The following ARL15 variants were observed in gnomAD, a reference collection of about 807,000 sequenced individuals.
ARL15 encodes ADP-ribosylation factor-like protein 15.
Under a neutral mutation model 25.2 loss-of-function variants are expected in ARL15, and 19 were observed. That is an observed-to-expected ratio of 0.75 (90% CI 0.53 to 1.10). The LOEUF is 1.10. ARL15 is among the 50% of genes least tolerant of loss of function. The pLI is 0.00. For synonymous variants in ARL15, 94 were observed against 86.8 expected, an observed-to-expected ratio of 1.08 and a Z score of -0.46; for missense variants, 220 against 246.0, an observed-to-expected ratio of 0.89 and a Z score of 0.71.
At chr5:54,084,198 G>C (rs1157441563) in intron 4 of ARL15, among the ~76,000 whole-genome samples, 2 of 152,136 alleles carry the variant, frequency 1.3e-5, no homozygotes, top group Non-Finnish European at 2.9e-5. Context: ...CAGTGGGCTT[G>C]GCACTCTCAG....
chr5:53,939,355 T>C (rs1009781481), intron 4 of ARL15, among the ~76,000 whole-genome samples: 2 of 152,244 alleles, frequency 1.3e-5, no homozygotes, highest in Admixed American at 1.3e-4. Context: ...CATTACTGTT[T>C]GTTATAATGT....
intron 4 of ARL15, chr5:53,887,297 T>C (rs903342282): frequency 4.4e-6 from 3 of 684,476 alleles, no homozygotes; most frequent in Non-Finnish European, 7.9e-6. Context: ...CATGTATGTA[T>C]GTTTGTATGC....
intron 1 of ARL15, among the ~76,000 whole-genome samples, chr5:54,207,456 G>A (rs917986543): frequency 4.6e-5 from 7 of 152,034 alleles, no homozygotes; most frequent in Non-Finnish European, 7.4e-5. Flanking sequence ...TGACCAAACC[G>A]CCTATTGAGA....
chr5:54,295,369 G>A (rs898494883), intron 1 of ARL15, among the ~76,000 whole-genome samples: 9 of 152,060 alleles, frequency 5.9e-5, no homozygotes, highest in African/African-American at 2.2e-4. Context: ...AACATCACTA[G>A]CACAGGAATC....
intron 4 of ARL15, among the ~76,000 whole-genome samples, chr5:53,940,231 C>A (rs1472619276): frequency 6.6e-6 from 1 of 152,172 alleles, no homozygotes; most frequent in East Asian, 1.9e-4. Flanking sequence ...CCTTGGCCTC[C>A]CAAAGTGCTG....
intron 4 of ARL15, among the ~76,000 whole-genome samples, chr5:53,966,701 C>A (rs1255008494): frequency 6.6e-6 from 1 of 152,158 alleles, no homozygotes; most frequent in African/African-American, 2.4e-5. Flanking sequence ...AGTCTTATTC[C>A]GTGTTGACGA....
chr5:53,923,920 C>T (rs1262933775), intron 4 of ARL15, among the ~76,000 whole-genome samples: 5 of 152,106 alleles, frequency 3.3e-5, no homozygotes, highest in Non-Finnish European at 7.4e-5. Context: ...ACCAAGTAAA[C>T]ACTGTAAAGT....
At chr5:54,297,384 C>A (rs1758494950) in intron 1 of ARL15, among the ~76,000 whole-genome samples, 1 of 152,246 alleles carries the variant, frequency 6.6e-6, no homozygotes, top group East Asian at 1.9e-4. Flanking sequence ...GCCTTTCCAA[C>A]AGGACTGAAA....
At chr5:54,170,348 C>T (rs1754681317) in intron 2 of ARL15, among the ~76,000 whole-genome samples, 1 of 152,168 alleles carries the variant, frequency 6.6e-6, no homozygotes, top group South Asian at 2.1e-4. Context: ...AATTTAGCCT[C>T]CACATCATGG....
At chr5:54,174,742 A>G (rs928112595) in intron 1 of ARL15, among the ~76,000 whole-genome samples, 4 of 152,192 alleles carry the variant, frequency 2.6e-5, no homozygotes, top group African/African-American at 9.7e-5. Context: ...GCTTTTTTAT[A>G]AAGTCTGTCT....
rs147399081 is a variant in ARL15, at chr5:53,904,123, T to C, written c.463-17410A>G. ...TAGTTGGGTTCAAAACAATAGCACA[T>C]AGAGCTATGATAAAAGCTCTACTGA... On this transcript the variant is annotated intron_variant, in intron 4 of 4. Coordinates refer to ENST00000504924, the MANE Select transcript of ARL15 (RefSeq NM_019087.3). 3.4e-3 allele frequency among the ~76,000 whole-genome samples: 515 copies of C among 152,312 alleles called. 2 individuals are homozygous for C. Among genetic ancestry groups the C allele is most frequent in the African/African-American group, 0.012 (479 of 41,560 alleles).
chr5:54,239,618 G>C (rs946420055), intron 1 of ARL15, among the ~76,000 whole-genome samples: 7 of 152,140 alleles, frequency 4.6e-5, no homozygotes, highest in African/African-American at 1.7e-4. Flanking sequence ...ATATGTCTAT[G>C]TTCTGAAATA....
At chr5:54,050,468 G>T (rs140393091) in intron 4 of ARL15, among the ~76,000 whole-genome samples, 8 of 152,282 alleles carry the variant, frequency 5.3e-5, no homozygotes, top group African/African-American at 1.9e-4. Context: ...TTGGTGGCTA[G>T]TGAGTATAGG....
At chr5:53,939,544 G>A (rs191314746) in intron 4 of ARL15, among the ~76,000 whole-genome samples, 43 of 152,224 alleles carry the variant, frequency 2.8e-4, no homozygotes, top group Admixed American at 2.3e-3. Flanking sequence ...ACACCATGCT[G>A]GCCAACATGA....
intron 1 of ARL15, among the ~76,000 whole-genome samples, chr5:54,190,440 T>C (rs1040987907): frequency 1.2e-4 from 18 of 151,968 alleles, no homozygotes; most frequent in African/African-American, 4.3e-4. Context: ...ATGGCCACTG[T>C]CTTAGACTGT....
intron 1 of ARL15, among the ~76,000 whole-genome samples, chr5:54,222,578 T>C (rs1756408146): frequency 6.6e-6 from 1 of 152,190 alleles, no homozygotes; most frequent in Non-Finnish European, 1.5e-5. Context: ...AATCATCACC[T>C]TAAATGGTAT....
rs550204015 is a variant in ARL15 at position 54,110,464 on chromosome 5, T to A, written c.462+2738A>T. On this transcript the variant is annotated intron_variant, in intron 4 of 4. Coordinates refer to ENST00000504924, the MANE Select transcript of ARL15 (RefSeq NM_019087.3). ...AAGAAGAATCAATAGCCTTTATGACTGATTATCTTTTCTAACTGAATCAAA... is the reference window on the plus strand; with the variant it reads ...AAGAAGAATCAATAGCCTTTATGACAGATTATCTTTTCTAACTGAATCAAA... Among the ~76,000 whole-genome samples, 10 of 152,198 alleles carry A rather than the reference T, an allele frequency of 6.6e-5. 1 individual carries two copies. The South Asian group carries it at 1.7e-3, about 25-fold the overall frequency.
intron 4 of ARL15, among the ~76,000 whole-genome samples, chr5:54,032,973 A>T (rs1750039631): frequency 6.6e-6 from 1 of 151,944 alleles, no homozygotes; most frequent in Admixed American, 6.6e-5. Flanking sequence ...ATATATGTAC[A>T]TATATAAGTA....
At chr5:53,972,017 T>C (rs567916351) in intron 4 of ARL15, among the ~76,000 whole-genome samples, 17 of 152,152 alleles carry the variant, frequency 1.1e-4, no homozygotes, top group Non-Finnish European at 2.2e-4. Context: ...GAATAGGAAG[T>C]ATGTGTGAAT....
Sources: allele counts gnomAD v4.1 joint callset (sites outside exome capture counted in the v4.1 genomes callset), GRCh38; gene constraint gnomAD v4.1.1; transcripts MANE v1.5; gene names NCBI Gene and HGNC (gene_info 2026-07-23, HGNC 2026-07-21).